Variants in ANKRD62 observed in about 807,000 individuals in gnomAD.
The protein encoded by ANKRD62 is ankyrin repeat domain-containing protein 62.
Under a neutral mutation model 98.8 loss-of-function variants are expected in ANKRD62, and 61 were observed. The observed-to-expected ratio is 0.62, with a 90% CI of 0.50 to 0.76. The LOEUF is 0.76. Among genes scored for constraint, ANKRD62 ranks in the 30% least tolerant of loss-of-function variants. The pLI is 0.00. For synonymous variants in ANKRD62, 341 were observed against 367.9 expected, an observed-to-expected ratio of 0.93 and a Z score of 0.84; for missense variants, 933 against 1,082.9, an observed-to-expected ratio of 0.86 and a Z score of 1.94.
At chr18:12,169,275 A>G in the ANKRD62 span, among the ~76,000 whole-genome samples, 3 of 152,194 alleles carry the variant, frequency 2.0e-5, no homozygotes, top group African/African-American at 4.8e-5. Flanking sequence ...GGTTTATCAT[A>G]GATAGCTCTT....
chr18:12,166,548 T>C, the ANKRD62 span, among the ~76,000 whole-genome samples: 5 of 152,156 alleles, frequency 3.3e-5, no homozygotes, highest in African/African-American at 1.2e-4. Context: ...CCTTGAATTT[T>C]TTTTTAGTTT....
At chr18:12,115,840 C>G (rs1037005838) in intron 10 of ANKRD62, among the ~76,000 whole-genome samples, 1 of 152,128 alleles carries the variant, frequency 6.6e-6, no homozygotes, top group Non-Finnish European at 1.5e-5. Flanking sequence ...ACTGTGATAA[C>G]CTTACACCTC....
chr18:12,108,081 A>T (rs964549824), intron 8 of ANKRD62, among the ~76,000 whole-genome samples: 4 of 152,350 alleles, frequency 2.6e-5, no homozygotes, highest in East Asian at 1.9e-4. Flanking sequence ...ATAAGTAGTC[A>T]CACCCATAAA....
intron 10 of ANKRD62, among the ~76,000 whole-genome samples, chr18:12,119,849 T>C (rs983723848): frequency 2.0e-5 from 3 of 152,150 alleles, no homozygotes; most frequent in East Asian, 3.8e-4. Context: ...AAAATTTGTA[T>C]TTAAGTGCAG....
intron 6 of ANKRD62, chr18:12,102,039 G>T: frequency 2.1e-6 from 3 of 1,399,132 alleles, no homozygotes; most frequent in Non-Finnish European, 3.0e-6. Context: ...CCACATCATG[G>T]TAGTTGAAAT....
chr18:12,136,317 T>A, the ANKRD62 span, among the ~76,000 whole-genome samples: 2 of 152,066 alleles, frequency 1.3e-5, no homozygotes, highest in African/African-American at 4.8e-5. Context: ...TCCCCATTGC[T>A]TGTTTTTGTC....
intron 8 of ANKRD62, among the ~76,000 whole-genome samples, chr18:12,114,032 A>G (rs886759341): frequency 1.3e-5 from 2 of 152,218 alleles, no homozygotes; most frequent in Non-Finnish European, 2.9e-5. Context: ...AATTTAACAC[A>G]GTAAAAGAAA....
the ANKRD62 span, among the ~76,000 whole-genome samples, chr18:12,163,217 T>C: frequency 6.6e-6 from 1 of 152,074 alleles, no homozygotes; most frequent in Non-Finnish European, 1.5e-5. Flanking sequence ...ATAGAGATCT[T>C]TCACTTCTGT....
At chr18:12,150,245 CA>C in the ANKRD62 span, among the ~76,000 whole-genome samples, 150 of 152,082 alleles carry the variant, frequency 9.9e-4, no homozygotes, top group African/African-American at 3.3e-3. Flanking sequence ...GACAGTCAGA[CA>C]AAAAATTATA....
At chr18:12,111,091 T>C (rs1339749506) in intron 8 of ANKRD62, among the ~76,000 whole-genome samples, 1 of 151,682 alleles carries the variant, frequency 6.6e-6, no homozygotes, top group Non-Finnish European at 1.5e-5. Flanking sequence ...CTACTAAAAA[T>C]ACAAAAAATT....
the ANKRD62 span, among the ~76,000 whole-genome samples, chr18:12,137,776 G>A: frequency 6.6e-6 from 1 of 152,192 alleles, no homozygotes; most frequent in African/African-American, 2.4e-5. Context: ...AGTCTTGGGA[G>A]AGTGTATGTG....
At chr18:12,141,149 G>A in the ANKRD62 span, among the ~76,000 whole-genome samples, 1 of 152,238 alleles carries the variant, frequency 6.6e-6, no homozygotes, top group African/African-American at 2.4e-5. Flanking sequence ...AGGACTCTCC[G>A]AGCCATGTGT....
chr18:12,145,004 A>G, the ANKRD62 span, among the ~76,000 whole-genome samples: 1 of 151,314 alleles, frequency 6.6e-6, no homozygotes, highest in African/African-American at 2.4e-5. Flanking sequence ...TTAGCTGGGC[A>G]TGCTGGCCTA....
At chr18:12,100,396 G>A (rs1224150847) in intron 6 of ANKRD62, among the ~76,000 whole-genome samples, 1 of 152,174 alleles carries the variant, frequency 6.6e-6, no homozygotes, top group African/African-American at 2.4e-5. Context: ...CTGAGGAGGA[G>A]TAGGAGGTAG....
chr18:12,121,573 T>C (rs1314142791), intron 10 of ANKRD62, among the ~76,000 whole-genome samples: 1 of 152,174 alleles, frequency 6.6e-6, no homozygotes, highest in Non-Finnish European at 1.5e-5. Context: ...CTCTCCAGTG[T>C]TCTGTCCTGT....
At chr18:12,150,905 C>T in the ANKRD62 span, among the ~76,000 whole-genome samples, 3 of 152,138 alleles carry the variant, frequency 2.0e-5, no homozygotes, top group Non-Finnish European at 4.4e-5. Context: ...TGGCTAACAA[C>T]ACAACATCAG....
chr18:12,114,072 T>C (rs1001966259), intron 8 of ANKRD62, among the ~76,000 whole-genome samples: 4 of 152,146 alleles, frequency 2.6e-5, no homozygotes, highest in African/African-American at 9.7e-5. Flanking sequence ...CTCTCACAAA[T>C]GGGAGCTAAA....
At chr18:12,167,869 C>G in the ANKRD62 span, among the ~76,000 whole-genome samples, 1 of 152,188 alleles carries the variant, frequency 6.6e-6, no homozygotes, top group Non-Finnish European at 1.5e-5. Flanking sequence ...ATTTGCATTT[C>G]TCTGATGGCC....
the ANKRD62 span, among the ~76,000 whole-genome samples, chr18:12,146,111 G>A: frequency 2.0e-5 from 3 of 151,944 alleles, no homozygotes; most frequent in African/African-American, 7.3e-5. Flanking sequence ...AGAAGTGGTA[G>A]CACAGCACAG....
Sources: allele counts gnomAD v4.1 joint callset (sites outside exome capture counted in the v4.1 genomes callset), GRCh38; gene constraint gnomAD v4.1.1; transcripts MANE v1.5; gene names NCBI Gene and HGNC (gene_info 2026-07-23, HGNC 2026-07-21).